SEMA6C: variants seen among roughly 807,000 people sequenced by gnomAD.
The protein encoded by SEMA6C is semaphorin-6C.
Under a neutral mutation model 72.9 loss-of-function variants are expected in SEMA6C, and 37 were observed. That is an observed-to-expected ratio of 0.51 (90% CI 0.39 to 0.67). The LOEUF is 0.67. Ranked by LOEUF, SEMA6C falls within the 30% of genes least tolerant of loss-of-function variation. SEMA6C has a pLI of 0.00. For missense variants in SEMA6C, 1,189 were observed against 1,263.6 expected, an observed-to-expected ratio of 0.94 and a Z score of 0.89; for synonymous variants, 578 against 554.1, an observed-to-expected ratio of 1.04 and a Z score of -0.61.
intron 3 of SEMA6C, 58 bp from the exon 4 acceptor site, chr1:151,140,148 T>C (rs895287021): frequency 2.8e-6 from 4 of 1,422,088 alleles, no homozygotes; most frequent in Non-Finnish European, 3.9e-6. Flanking sequence ...CAACACCCTC[T>C]CCAACCAGAT....
intron 16 of SEMA6C, 49 bp downstream of exon 16, chr1:151,134,749 T>A (rs1162767188): frequency 6.2e-7 from 1 of 1,612,706 alleles, no homozygotes; most frequent in Non-Finnish European, 8.5e-7. Context: ...CAGCTTGTCT[T>A]ATTGGTGGGG....
In SEMA6C at chr1:151,132,502, G is replaced by A. The variant is rs1292799492; in HGVS notation, c.2775C>T (p.Gly925=). 4 of 1,548,980 alleles carry A rather than the reference G, an allele frequency of 2.6e-6. No individual in the cohort carries two copies. The highest frequency in any genetic ancestry group is 2.0e-5 in the Admixed American group (1 of 50,726). ...GCTCCCTTTAAAAGTTGAAACGGCC[G>A]CCGTTCGGGACGGCCTGGCGGGAGG... The part of the protein sequence containing the change: ...GPSSRQAVPN[G]GRFNF The change falls in exon 19 of 19, where the codon GGC becomes GGT. Residue 925 remains glycine, a synonymous_variant. Coordinates refer to ENST00000368914, the MANE Select transcript of SEMA6C (RefSeq NM_030913.6).
chr1:151,134,635 G>A lies in SEMA6C; in HGVS notation c.1699C>T (p.His567Tyr). 1 of 1,614,188 alleles carries A rather than the reference G, an allele frequency of 6.2e-7. No homozygotes were observed. Among genetic ancestry groups the A allele is most frequent in the East Asian group, 2.2e-5 (1 of 44,888 alleles). Residue 567 changes from histidine to tyrosine, a missense_variant, in exon 17 of 19, where the codon CAT becomes TAT. His to Tyr is a moderately conservative substitution (Grantham distance 83, BLOSUM62 2). Transcript: ENST00000368914. ...DQAGNQESME[H>Y]GDCQDGATGS... is the part of the protein sequence containing the mutation. ...TTCTGTTTACCTTGGCAGTCACCAT[G>A]CTCCATGGATTCCTGGTTCCCAGCC...
chr1:151,135,073 T>C, intron 15 of SEMA6C, 90 bp downstream of exon 15: 2 of 1,559,708 alleles, frequency 1.3e-6, no homozygotes, highest in Non-Finnish European at 1.7e-6. Flanking sequence ...ATCCCCTGTG[T>C]TTTCCTGCCA....
In SEMA6C at chr1:151,132,968, A is replaced by G; in HGVS notation, c.2309T>C (p.Leu770Pro). The G allele has an allele frequency of 2.1e-6, 3 of 1,413,236 alleles. No homozygotes were observed. Among genetic ancestry groups the G allele is most frequent in the Non-Finnish European group, 2.8e-6 (3 of 1,079,728 alleles). The allele number at this position is 1,413,236 out of a possible 1,614,324, so 87.5% of individuals were successfully genotyped here. ...QAVEVTTLEE[L>P]LRYLHGPQPP... ...CTGCGGGCCGTGCAGGTAGCGCAGC[A>G]GTTCCTCCAGGGTGGTGACTTCCAC... The change falls in exon 19 of 19, where the codon CTG becomes CCG. Residue 770 changes from leucine to proline, a missense_variant. Leu to Pro is a moderately conservative substitution (Grantham distance 98). Around this residue, in one of 2 missense-constraint regions of SEMA6C, gnomAD observed 721 missense variants for 686.2 expected, o/e 1.05. Coordinates refer to ENST00000368914, the MANE Select transcript of SEMA6C (RefSeq NM_030913.6).
At position 151,132,948 on chromosome 1, in the gene SEMA6C, G is replaced by A. The variant is rs1158245793; in HGVS notation, c.2329C>T (p.Pro777Ser). The change falls in exon 19 of 19, where the codon CCG becomes TCG. Residue 777 changes from proline to serine, a missense_variant. By Grantham distance (74) the Pro-to-Ser change is moderately conservative. Around this residue, in one of 2 missense-constraint regions of SEMA6C, gnomAD observed 721 missense variants for 686.2 expected, o/e 1.05. Coordinates refer to ENST00000368914, the MANE Select transcript of SEMA6C (RefSeq NM_030913.6). ...TCGGCCCCCTTTCTGGGCGGCTGCG[G>A]GCCGTGCAGGTAGCGCAGCAGTTCC... ...LEELLRYLHG[P>S]QPPRKGAEPP... is the part of the protein sequence containing the mutation. The A allele has an allele frequency of 7.1e-7, 1 of 1,408,340 alleles. No homozygotes were observed. The highest frequency in any genetic ancestry group is 9.3e-7 in the Non-Finnish European group (1 of 1,078,124). 87.2% of individuals were successfully genotyped at this position (1,408,340 alleles called of 1,614,324 possible). A position where few individuals can be genotyped will look rare whatever the true frequency, so the allele number is the denominator to read the frequency against.
chr1:151,136,344 C>G (rs878857048), intron 12 of SEMA6C, 104 bp downstream of exon 12: 2 of 1,524,012 alleles, frequency 1.3e-6, no homozygotes, highest in Non-Finnish European at 1.8e-6. Context: ...CACTATAGCT[C>G]CCCACCCTGA....
chr1:151,133,322 C>T lies in SEMA6C; in HGVS notation c.1955G>A (p.Arg652His). 1.9e-6 allele frequency: 3 copies of T among 1,592,638 alleles called. No individual in the cohort carries two copies. The highest frequency in any genetic ancestry group is 2.6e-6 in the Non-Finnish European group (3 of 1,172,512). Residue 652 changes from arginine to histidine, a missense_variant, in exon 19 of 19, where the codon CGC becomes CAC. Arg to His is a conservative substitution (Grantham distance 29). Coordinates refer to ENST00000368914, the MANE Select transcript of SEMA6C (RefSeq NM_030913.6). This position sits in a 1 kb window ranked among gnomAD's most constrained non-coding sequence, Gnocchi z 5.9. ...TPGLPRPLSL[R>H]SLARLHGGGP... is the part of the protein sequence containing the mutation. ...CCCACCGTGGAGCCGGGCCAAACTG[C>T]GGAGGGAGAGAGGGCGCGGGAGCCC...
At chr1:151,143,214 G>T (rs4512652) in intron 2 of SEMA6C, among the ~76,000 whole-genome samples, 3 of 152,142 alleles carry the variant, frequency 2.0e-5, no homozygotes, top group East Asian at 3.9e-4. Flanking sequence ...AGACACAGTT[G>T]GGGGAGGCAG....
Position 151,146,062 on chromosome 1 carries a change from A to G in SEMA6C, c.-105+371T>C, listed in dbSNP as rs1170226704. On this transcript the variant is annotated intron_variant, in intron 1 of 18. Transcript: ENST00000368914. The surrounding 1 kb of genome is among the most constrained non-coding windows in gnomAD (Gnocchi z 4.6). ...CCCTTCAGGGGCGTCAGGAGGGTCT[A>G]GTTCTCCGTGGGTCTCGGAGCCCTA... The G allele has an allele frequency of 1.3e-5, 2 of 152,120 alleles. No homozygotes were observed. The highest frequency in any genetic ancestry group is 1.9e-4 in the East Asian group (1 of 5,190). 9.4% of individuals were successfully genotyped at this position (152,120 alleles called of 1,614,324 possible). A position where few individuals can be genotyped will look rare whatever the true frequency, so the allele number is the denominator to read the frequency against.
In SEMA6C at chr1:151,135,069, T is replaced by C. The variant is rs1681906023; in HGVS notation, c.1580+94A>G. On this transcript the variant is annotated intron_variant, in intron 15 of 18. Coordinates refer to ENST00000368914, the MANE Select transcript of SEMA6C (RefSeq NM_030913.6). ...ACCTAGGCACCCCACAGCCATCCCCTGTGTTTTCCTGCCACCCCAAAGACC... is the reference window on the plus strand; with the variant it reads ...ACCTAGGCACCCCACAGCCATCCCCCGTGTTTTCCTGCCACCCCAAAGACC... The C allele has an allele frequency of 1.2e-5, 19 of 1,545,138 alleles. No individual in the cohort carries two copies. The Admixed American group carries it at 3.1e-4, about 25-fold the overall frequency.
At chr1:151,135,881 C>G (rs1374592421) in intron 13 of SEMA6C, 117 bp from the exon 14 acceptor site, 3 of 1,516,410 alleles carry the variant, frequency 2.0e-6, no homozygotes, top group Non-Finnish European at 2.7e-6. Context: ...CCAGGGTTGC[C>G]TTCTTAGCTC....
rs966671140 is a variant in SEMA6C at position 151,145,248 on chromosome 1, G to A, written c.-104-814C>T. On this transcript the variant is annotated intron_variant, in intron 1 of 18. Coordinates refer to ENST00000368914, the MANE Select transcript of SEMA6C (RefSeq NM_030913.6). The surrounding 1 kb of genome is among the most constrained non-coding windows in gnomAD (Gnocchi z 4.4). ...CTCTCCTGGCCCCGAAGCCACCTCTGGGGAATGGCTGGGGTCACAGCCAGA... is the reference window on the plus strand; with the variant it reads ...CTCTCCTGGCCCCGAAGCCACCTCTAGGGAATGGCTGGGGTCACAGCCAGA... 6.6e-6 allele frequency: 1 copy of A among 152,334 alleles called. No individual in the cohort carries two copies. The highest frequency in any genetic ancestry group is 1.5e-5 in the Non-Finnish European group (1 of 68,122). 9.4% of individuals were successfully genotyped at this position (152,334 alleles called of 1,614,324 possible).
rs756682844 is a variant in SEMA6C, at chr1:151,133,081, C to T, written c.2196G>A (p.Pro732=). 3.5e-5 allele frequency: 54 copies of T among 1,542,134 alleles called. No homozygotes were observed. The highest frequency in any genetic ancestry group is 7.7e-5 in the Admixed American group (4 of 51,846). Residue 732 remains proline, a synonymous_variant, in exon 19 of 19, where the codon CCG becomes CCA. Coordinates refer to ENST00000368914, the MANE Select transcript of SEMA6C (RefSeq NM_030913.6). The surrounding 1 kb of genome is among the most constrained non-coding windows in gnomAD (Gnocchi z 5.9). ...CCGCGTGCCCGCCCCGTGAGCGGCC[C>T]GGACCCTCCTTGGCGTTGTTCCTGT... ...NQNRNNAKEG[P]GRSRGGHAAG...
In SEMA6C at chr1:151,132,540, G is replaced by A. The variant is rs1166617058; in HGVS notation, c.2737C>T (p.Leu913Phe). The A allele has an allele frequency of 6.4e-7, 1 of 1,550,836 alleles. No individual in the cohort carries two copies. Among genetic ancestry groups the A allele is most frequent in the Non-Finnish European group, 8.7e-7 (1 of 1,146,992 alleles). Residue 913 changes from leucine to phenylalanine, a missense_variant, in exon 19 of 19, where the codon CTC (leucine) becomes TTC (phenylalanine). Leu to Phe is a conservative substitution (Grantham distance 22). Around this residue, in one of 2 missense-constraint regions of SEMA6C, gnomAD observed 721 missense variants for 686.2 expected, o/e 1.05. Coordinates refer to ENST00000368914, the MANE Select transcript of SEMA6C (RefSeq NM_030913.6). Reference sequence around the variant, plus strand: ...GCCTGGCGGGAGGAGGGCCCGACGAGGGGAGGCTTCAGGGACAACTGGGGC... The same window carrying A: ...GCCTGGCGGGAGGAGGGCCCGACGAAGGGAGGCTTCAGGGACAACTGGGGC... ...EKPQLSLKPP[L>F]VGPSSRQAVP... is the part of the protein sequence containing the mutation.
Position 151,134,398 on chromosome 1 carries a change from C to A in SEMA6C, c.1759+3G>T. 1 of 1,584,632 alleles carries A rather than the reference C, an allele frequency of 6.3e-7. No homozygotes were observed. On this transcript the variant is annotated splice_donor_region_variant and intron_variant, in intron 18 of 18. Transcript: ENST00000368914. ...AAGGTGAGGTTGGGACAAGAGGACT[C>A]ACCATAAGCAGAATCCCCAGGGCCA...
At chr1:151,136,373 A>G (rs1167333967) in intron 12 of SEMA6C, 75 bp downstream of exon 12, 2 of 1,568,816 alleles carry the variant, frequency 1.3e-6, no homozygotes, top group Non-Finnish European at 1.7e-6. Context: ...ACATCTCATT[A>G]CCTCCTCACA....
rs983901976 is a variant in SEMA6C at position 151,142,403 on chromosome 1, T to G, written c.118+101A>C. The stretch of plus-strand genomic sequence containing the variant: ...TCTTTTTGCTGGTCTGGCTGTTAGC[T>G]TCCTGAGGCTGGGAGCCTTCCTGCA... On this transcript the variant is annotated intron_variant, in intron 3 of 18. Coordinates refer to ENST00000368914, the MANE Select transcript of SEMA6C (RefSeq NM_030913.6). 4.1e-5 allele frequency: 53 copies of G among 1,300,782 alleles called. 1 individual carries two copies. Among genetic ancestry groups the G allele is most frequent in the Non-Finnish European group, 5.4e-5 (51 of 949,836 alleles). The allele number at this position is 1,300,782 out of a possible 1,614,324, so 80.6% of individuals were successfully genotyped here. A position where few individuals can be genotyped will look rare whatever the true frequency, so the allele number is the denominator to read the frequency against.
chr1:151,140,790 C>G (rs900187372), intron 3 of SEMA6C, among the ~76,000 whole-genome samples: 2 of 152,112 alleles, frequency 1.3e-5, no homozygotes, highest in African/African-American at 2.4e-5. Flanking sequence ...GTCAGGAGAT[C>G]GAGACCATCC....
Sources: allele counts gnomAD v4.1 joint callset (sites outside exome capture counted in the v4.1 genomes callset), GRCh38; gene constraint gnomAD v4.1.1; regional missense constraint gnomAD v4.1.1; non-coding constraint Gnocchi (gnomAD v3.1); transcripts MANE v1.5; gene names NCBI Gene and HGNC (gene_info 2026-07-23, HGNC 2026-07-21).